CHL1: variants seen among roughly 807,000 people sequenced by gnomAD.
The protein encoded by CHL1 is neural cell adhesion molecule L1-like protein.
CHL1 carries 96 observed loss-of-function variants against 141.9 expected under a neutral mutation model. The ratio of observed to expected loss-of-function variants is 0.68; its 90% CI spans 0.57 to 0.80. The LOEUF is 0.80. Among genes scored for constraint, CHL1 ranks in the 30% least tolerant of loss-of-function variants. The probability of loss-of-function intolerance (pLI) is 0.00; values close to 1 mark genes in which losing one functional copy is unlikely to be tolerated. For missense variants in CHL1, 1,820 were observed against 1,457.2 expected (o/e 1.25, Z -4.05); for synonymous variants, 613 against 502.2 (o/e 1.22, Z -2.95).
At chr3:223,458 G>T (rs1701043251) in intron 1 of CHL1, among the ~76,000 whole-genome samples, 3 of 152,140 alleles carry the variant, frequency 2.0e-5, no homozygotes, top group Admixed American at 1.3e-4. Context: ...TGTCAGAACT[G>T]CAACTGTGTA....
intron 1 of CHL1, among the ~76,000 whole-genome samples, chr3:227,356 T>A (rs574292242): frequency 1.3e-5 from 2 of 152,286 alleles, no homozygotes; most frequent in East Asian, 3.9e-4. Flanking sequence ...CAAGCTCCAG[T>A]GATGCCAGTT....
chr3:379,710 G>A lies in CHL1; in HGVS notation c.1876+1768G>A, dbSNP rs148409685. On this transcript the variant is annotated intron_variant, in intron 16 of 27. Coordinates refer to ENST00000256509, the MANE Select transcript of CHL1 (RefSeq NM_006614.4). ...TTAATTCTACATAAATTTTACCTAC[G>A]ATTATATGTACTGGTTATATACGCA... 6.6e-5 allele frequency among the ~76,000 whole-genome samples: 10 copies of A among 151,960 alleles called. No individual in the cohort carries two copies. In the East Asian group the frequency reaches 1.7e-3, roughly 26 times the overall value.
At chr3:257,959 G>C (rs535612845) in intron 2 of CHL1, among the ~76,000 whole-genome samples, 15 of 152,258 alleles carry the variant, frequency 9.9e-5, no homozygotes, top group African/African-American at 3.4e-4. Flanking sequence ...ATGGAATCTG[G>C]AGATTGCAGC....
intron 2 of CHL1, among the ~76,000 whole-genome samples, chr3:252,080 GTTAC>G (rs1386972954): frequency 6.6e-6 from 1 of 151,870 alleles, no homozygotes; most frequent in East Asian, 1.9e-4. Flanking sequence ...AGAAATTTGT[GTTAC>G]TTGTTTCTTA....
chr3:360,085 A>G (rs1446584462), intron 11 of CHL1, among the ~76,000 whole-genome samples, 199 bp from the exon 12 acceptor site: 1 of 152,214 alleles, frequency 6.6e-6, no homozygotes, highest in Non-Finnish European at 1.5e-5. Context: ...AACTTGAAAG[A>G]TAATTGAAAA....
At chr3:287,407 T>C (rs1697259860) in intron 2 of CHL1, among the ~76,000 whole-genome samples, 1 of 152,150 alleles carries the variant, frequency 6.6e-6, no homozygotes, top group South Asian at 2.1e-4. Context: ...GGTTTACACA[T>C]TCGATTGTCT....
intron 1 of CHL1, among the ~76,000 whole-genome samples, chr3:211,800 T>C (rs542661737): frequency 6.6e-6 from 1 of 152,352 alleles, no homozygotes; most frequent in African/African-American, 2.4e-5. Context: ...GTATTGGTAA[T>C]ACTATAAATT....
Position 399,011 on chromosome 3 carries a change from C to T in CHL1, c.3254-6C>T, listed in dbSNP as rs749064739. 4.6e-5 allele frequency: 74 copies of T among 1,612,396 alleles called. No homozygotes were observed. In the Middle Eastern group the frequency reaches 4.9e-4, roughly 11 times the overall value. ...TACAATGCTGTGACTTCTCTTTCTA[C>T]CACAGAATATGCTGGTTTATATGAT... is the stretch of plus-strand genomic sequence containing the variant. On this transcript the variant is annotated splice_region_variant and splice_polypyrimidine_tract_variant and intron_variant, in intron 25 of 27. Coordinates refer to ENST00000256509, the MANE Select transcript of CHL1 (RefSeq NM_006614.4).
At chr3:204,863 C>T (rs1379332255) in intron 1 of CHL1, among the ~76,000 whole-genome samples, 1 of 151,966 alleles carries the variant, frequency 6.6e-6, no homozygotes, top group Admixed American at 6.6e-5. Context: ...AAAATTTTTC[C>T]ATGTCATCTC....
chr3:354,419 C>G (rs1703522261), intron 10 of CHL1, among the ~76,000 whole-genome samples: 1 of 97,196 alleles, frequency 1.0e-5, no homozygotes, highest in African/African-American at 2.9e-5. Context: ...ATGCTGAGTC[C>G]AAATTAAACA....
intron 1 of CHL1, among the ~76,000 whole-genome samples, chr3:243,116 A>T (rs1692823463): frequency 6.6e-6 from 1 of 152,238 alleles, no homozygotes; most frequent in Non-Finnish European, 1.5e-5. Flanking sequence ...ACTGGGATAA[A>T]GAACATTCTA....
At chr3:332,943 C>T (rs330897) in intron 5 of CHL1, among the ~76,000 whole-genome samples, 145,987 of 151,846 alleles carry the variant, frequency 0.96, 70,469 homozygotes, top group East Asian at 1. Flanking sequence ...AAGAAAGGAG[C>T]GGCAGAATTT....
At chr3:303,487 T>A (rs1348127846) in intron 2 of CHL1, among the ~76,000 whole-genome samples, 1 of 152,198 alleles carries the variant, frequency 6.6e-6, no homozygotes, top group Non-Finnish European at 1.5e-5. Context: ...CATTTTATTA[T>A]CTCAGTAGCA....
rs761276793 is a variant in CHL1 at position 394,682 on chromosome 3, T to C, written c.2915-11T>C. 1.3e-6 allele frequency: 2 copies of C among 1,590,464 alleles called. No individual in the cohort carries two copies. The highest frequency in any genetic ancestry group is 1.7e-6 in the Non-Finnish European group (2 of 1,165,068). On this transcript the variant is annotated splice_polypyrimidine_tract_variant and intron_variant, in intron 23 of 27. Transcript: ENST00000256509. ...ATACATTTGAGCTGTTGTTCATGTT[T>C]ATTTTTTTAGTAAATGACACCTACG... is the stretch of plus-strand genomic sequence containing the variant.
At chr3:399,396 G>T (rs139703736) in intron 26 of CHL1, among the ~76,000 whole-genome samples, 3 of 152,188 alleles carry the variant, frequency 2.0e-5, no homozygotes, top group East Asian at 3.9e-4. Context: ...AATTCCAGCA[G>T]TTTGGGAGGC....
chr3:235,851 AGTAGTGAGAAAACAAGAGATGCCTCTGCC>A (rs1691919259), intron 1 of CHL1, among the ~76,000 whole-genome samples: 1 of 152,174 alleles, frequency 6.6e-6, no homozygotes, highest in Admixed American at 6.6e-5. Flanking sequence ...TATCTTTGAC[AGTAGTGAGAAAACAAGAGATGCCTCTGCC>A]GTCATACTCC....
chr3:294,929 C>T (rs972833854), intron 2 of CHL1, among the ~76,000 whole-genome samples: 1 of 152,200 alleles, frequency 6.6e-6, no homozygotes, highest in African/African-American at 2.4e-5. Context: ...GTGCCAGACA[C>T]TATAATGCTG....
chr3:340,654 G>C, intron 5 of CHL1, 140 bp from the exon 6 acceptor site: 1 of 661,998 alleles, frequency 1.5e-6, no homozygotes, highest in Non-Finnish European at 2.5e-6. Flanking sequence ...AACTCTGAAG[G>C]GGAGATGTAA....
At chr3:276,590 C>G (rs1442024842) in intron 2 of CHL1, among the ~76,000 whole-genome samples, 1 of 151,994 alleles carries the variant, frequency 6.6e-6, no homozygotes, top group Non-Finnish European at 1.5e-5. Flanking sequence ...GCATGGAGTT[C>G]AAGAGTATGG....
Sources: gnomAD v4.1 joint callset for allele counts (sites outside exome capture counted in the v4.1 genomes callset) on GRCh38, gnomAD v4.1.1 for gene constraint, MANE v1.5 for transcripts, NCBI Gene and HGNC (gene_info 2026-07-23, HGNC 2026-07-21) for gene names.